ZNF541: variants seen among roughly 807,000 people sequenced by gnomAD.
ZNF541 encodes the protein zinc finger protein 541.
In ZNF541, 23 loss-of-function variants were observed where a neutral mutation model predicts 123.5. The observed-to-expected ratio is 0.19, with a 90% confidence interval of 0.13 to 0.26. The LOEUF (loss-of-function observed/expected upper bound fraction) is 0.26, where lower values mean the gene tolerates loss of function less well. Among genes scored for constraint, ZNF541 ranks in the 10% least tolerant of loss-of-function variants. The probability of loss-of-function intolerance (pLI) is 1.00; values close to 1 mark genes in which losing one functional copy is unlikely to be tolerated. For missense variants in ZNF541, 1,612 were observed against 1,789.9 expected (o/e 0.90, Z 1.79); for synonymous variants, 751 against 754.5 (o/e 1.00, Z 0.08).
chr19:47,522,651 C>T (rs1214889905), intron 14 of ZNF541, among the ~76,000 whole-genome samples: 1 of 151,906 alleles, frequency 6.6e-6, no homozygotes, highest in Non-Finnish European at 1.5e-5. Context: ...AAAAAATTAG[C>T]CAGTCATGGT....
chr19:47,540,836 G>C (rs1196595311), intron 6 of ZNF541, 57 bp downstream of exon 6: 1 of 1,522,082 alleles, frequency 6.6e-7, no homozygotes, highest in African/African-American at 1.4e-5. Flanking sequence ...GGCCGGCACA[G>C]GAAGGCCAGA....
chr19:47,562,003 T>TAC, intron 2 of ZNF541, among the ~76,000 whole-genome samples: 1 of 152,034 alleles, frequency 6.6e-6, no homozygotes, highest in East Asian at 1.9e-4. Flanking sequence ...AATCCCAGCA[T>TAC]TTTGGGAGGC....
intron 2 of ZNF541, among the ~76,000 whole-genome samples, chr19:47,571,118 C>CT (rs560906578): frequency 0.031 from 4,447 of 144,952 alleles, 136 homozygotes; most frequent in African/African-American, 0.072. Context: ...CCTATGCTGT[C>CT]TTTTTTTTTT....
chr19:47,566,168 C>T (rs991778842), intron 2 of ZNF541, among the ~76,000 whole-genome samples: 11 of 151,558 alleles, frequency 7.3e-5, no homozygotes, highest in Admixed American at 6.6e-4. Context: ...CAGAGTGAGA[C>T]TCCATCTCAA....
At chr19:47,570,304 G>A (rs1238672501) in intron 2 of ZNF541, among the ~76,000 whole-genome samples, 6 of 149,358 alleles carry the variant, frequency 4.0e-5, no homozygotes, top group Middle Eastern at 3.3e-3. Context: ...TTGGCTGGGC[G>A]TGGTGGTTCA....
At chr19:47,541,776 C>T (rs965629586) in intron 5 of ZNF541, among the ~76,000 whole-genome samples, 2 of 152,154 alleles carry the variant, frequency 1.3e-5, no homozygotes, top group Non-Finnish European at 2.9e-5. Context: ...TTAGTGAGGA[C>T]ATGGAGAATG....
chr19:47,570,484 T>C (rs537008409), intron 2 of ZNF541, among the ~76,000 whole-genome samples: 1 of 137,488 alleles, frequency 7.3e-6, no homozygotes, highest in Non-Finnish European at 1.5e-5. Flanking sequence ...GGCTGAGGCA[T>C]GAGAATCACT....
At position 47,545,085 on chromosome 19, in the gene ZNF541, G is replaced by C. The variant is rs952087984; in HGVS notation, c.1444C>G (p.Pro482Ala). 2.3e-5 allele frequency: 34 copies of C among 1,475,844 alleles called. No individual in the cohort carries two copies. Among genetic ancestry groups the C allele is most frequent in the Non-Finnish European group, 3.0e-5 (34 of 1,116,850 alleles). The allele number at this position is 1,475,844 out of a possible 1,614,324, so 91.4% of individuals were successfully genotyped here. The change falls in exon 5 of 17, where the codon CCC becomes GCC. Residue 482 changes from proline (P) to alanine (A), a missense_variant. Physicochemically the swap from Pro to Ala is conservative, Grantham distance 27. Around this residue, in one of 5 missense-constraint regions of ZNF541, gnomAD observed 1,080 missense variants for 1,013.8 expected, o/e 1.07. Coordinates refer to ENST00000391901, the MANE Select transcript of ZNF541 (RefSeq NM_001277075.3). This position sits in a 1 kb window ranked among gnomAD's most constrained non-coding sequence, Gnocchi z 7.5. ...CTGGGGTCGCTCGGGGCCTCCGCGG[G>C]GACCCTGAGGAGCGCGGCAGGGAAG... Reference protein sequence around the residue: ...LPFPAALLRVPAEAPSDPRSA... With the variant: ...LPFPAALLRVAAEAPSDPRSA...
chr19:47,545,835 C>T lies in ZNF541; in HGVS notation c.694G>A (p.Glu232Lys). ...GLCILKEAPP[E>K]EEACGDSPHA... ...GGGGAGTCCCCGCAGGCCTCTTCCT[C>T]CGGGGGGGCTTCCTTCAGGATGCAC... Residue 232 changes from glutamate to lysine, a missense_variant, in exon 5 of 17, where the codon GAG becomes AAG. Physicochemically the swap from Glu to Lys is moderately conservative, Grantham distance 56 (BLOSUM62 1). This residue lies in a region of ZNF541 where 1,080 missense variants were observed against 1,013.8 expected (regional missense o/e 1.07). Coordinates refer to ENST00000391901, the MANE Select transcript of ZNF541 (RefSeq NM_001277075.3). The surrounding 1 kb of genome is among the most constrained non-coding windows in gnomAD (Gnocchi z 7.5). The T allele has an allele frequency of 6.5e-7, 1 of 1,548,916 alleles. No homozygotes were observed. The highest frequency in any genetic ancestry group is 8.7e-7 in the Non-Finnish European group (1 of 1,146,198).
intron 3 of ZNF541, 141 bp downstream of exon 3, chr19:47,555,409 T>G (rs1970777303): frequency 3.1e-6 from 2 of 652,022 alleles, no homozygotes; most frequent in East Asian, 3.1e-5. Context: ...GATTCCCAAG[T>G]AGGAAAAAAG....
Position 47,521,785 on chromosome 19 carries a change from C to A in ZNF541, c.3711+69G>T. On this transcript the variant is annotated intron_variant, in intron 15 of 16. Transcript: ENST00000391901. This position sits in a 1 kb window ranked among gnomAD's most constrained non-coding sequence, Gnocchi z 4.2. ...GAGCACCCCCGCCCTCTGACCCCAC[C>A]GTCCAACTCAACGGGTAGCAGGCAC... 6.5e-7 allele frequency: 1 copy of A among 1,532,130 alleles called. No homozygotes were observed. 94.9% of individuals were successfully genotyped at this position (1,532,130 alleles called of 1,614,324 possible). A position where few individuals can be genotyped will look rare whatever the true frequency, so the allele number is the denominator to read the frequency against.
chr19:47,545,570 G>A lies in ZNF541; in HGVS notation c.959C>T (p.Pro320Leu). The A allele has an allele frequency of 6.5e-7, 1 of 1,543,212 alleles. No homozygotes were observed. The highest frequency in any genetic ancestry group is 8.8e-7 in the Non-Finnish European group (1 of 1,141,800). Residue 320 changes from proline (P) to leucine (L), a missense_variant, in exon 5 of 17, where the codon CCA becomes CTA. By Grantham distance (98) the Pro-to-Leu change is moderately conservative. Around this residue, in one of 5 missense-constraint regions of ZNF541, gnomAD observed 1,080 missense variants for 1,013.8 expected, o/e 1.07. Transcript: ENST00000391901. This position sits in a 1 kb window ranked among gnomAD's most constrained non-coding sequence, Gnocchi z 7.5. ...TGCTGGGGCCGCGTGGGGGCCGGCT[G>A]GGGTGCAGGACGAGGACCCCGATGA... is the stretch of plus-strand genomic sequence containing the variant. ...PASSGSSSCT[P>L]AGPHAAPAAL... is the part of the protein sequence containing the mutation.
At chr19:47,523,831 A>G (rs1253641485) in intron 14 of ZNF541, among the ~76,000 whole-genome samples, 6 of 152,146 alleles carry the variant, frequency 3.9e-5, no homozygotes, top group Non-Finnish European at 7.3e-5. Context: ...CCCACAGGAC[A>G]GAGGATGGGA....
intron 2 of ZNF541, among the ~76,000 whole-genome samples, chr19:47,556,333 T>G (rs921186712): frequency 4.6e-5 from 7 of 152,154 alleles, no homozygotes; most frequent in Non-Finnish European, 7.4e-5. Context: ...ATGCTGGAGG[T>G]GTAAGCTCAC....
chr19:47,544,330 C>T lies in ZNF541; in HGVS notation c.2199G>A (p.Lys733=). ...CTCCACCCCGGGAGCAGGCTGGGCC[C>T]TTTTCACCTTTTGTGATCCTTGAAG... is the stretch of plus-strand genomic sequence containing the variant. ...GAASRITKGE[K]GPACSRGGGY... is the part of the protein sequence containing the mutation. The change falls in exon 5 of 17, where the codon AAG becomes AAA. Residue 733 remains lysine (K), a synonymous_variant. Transcript: ENST00000391901. The T allele has an allele frequency of 6.4e-7, 1 of 1,551,640 alleles. No homozygotes were observed. Among genetic ancestry groups the T allele is most frequent in the Non-Finnish European group, 8.7e-7 (1 of 1,146,998 alleles).
At chr19:47,541,157 C>T (rs191331933) in intron 5 of ZNF541, among the ~76,000 whole-genome samples, 1 of 152,294 alleles carries the variant, frequency 6.6e-6, no homozygotes, top group East Asian at 1.9e-4. Flanking sequence ...GTGGCTCATG[C>T]CTGTGATCCC....
intron 14 of ZNF541, among the ~76,000 whole-genome samples, chr19:47,523,920 A>G (rs1969166199): frequency 6.6e-6 from 1 of 152,188 alleles, no homozygotes; most frequent in African/African-American, 2.4e-5. Context: ...ACTGCCCAGC[A>G]CATGCATGGG....
At chr19:47,557,866 G>C (rs1164375379) in intron 2 of ZNF541, among the ~76,000 whole-genome samples, 1 of 148,118 alleles carries the variant, frequency 6.8e-6, no homozygotes, top group Non-Finnish European at 1.5e-5. Context: ...AAAAAAAAAA[G>C]AGATGATGGT....
At chr19:47,527,278 T>C (rs1969342597) in intron 14 of ZNF541, among the ~76,000 whole-genome samples, 1 of 152,198 alleles carries the variant, frequency 6.6e-6, no homozygotes, top group African/African-American at 2.4e-5. Context: ...ATAGTATCAA[T>C]ATGTCAAAAC....
Sources: gnomAD v4.1 joint callset for allele counts (sites outside exome capture counted in the v4.1 genomes callset) on GRCh38, gnomAD v4.1.1 for gene constraint, gnomAD v4.1.1 regional missense constraint, Gnocchi (gnomAD v3.1) non-coding constraint, MANE v1.5 for transcripts, NCBI Gene and HGNC (gene_info 2026-07-23, HGNC 2026-07-21) for gene names.